The following MMP20 variants were observed in gnomAD, a reference collection of about 807,000 sequenced individuals.
MMP20 encodes the protein matrix metalloproteinase-20.
In MMP20, 50 loss-of-function variants were observed where a neutral mutation model predicts 51.8. The ratio of observed to expected loss-of-function variants is 0.97; its 90% CI spans 0.77 to 1.22. The LOEUF (loss-of-function observed/expected upper bound fraction) is 1.22. MMP20 is among the 50% of genes most tolerant of loss of function. MMP20 has a pLI of 0.00. For synonymous variants in MMP20, 244 were observed against 216.2 expected (o/e 1.13, Z -1.13); for missense variants, 663 against 601.4 (o/e 1.10, Z -1.07).
chr11:102,583,464 A>G (rs1859218910), intron 8 of MMP20: 2 of 152,206 alleles, frequency 1.3e-5, no homozygotes, highest in African/African-American at 4.8e-5. Context: ...AATACTTACC[A>G]TTGTATCACA....
intron 8 of MMP20, among the ~76,000 whole-genome samples, chr11:102,584,383 T>A (rs896808558): frequency 6.6e-6 from 1 of 152,234 alleles, no homozygotes; most frequent in Non-Finnish European, 1.5e-5. Context: ...TGACTATTGA[T>A]GTTGAGCATC....
chr11:102,579,273 C>T, intron 8 of MMP20, 131 bp from the exon 9 acceptor site: 1 of 654,322 alleles, frequency 1.5e-6, no homozygotes, highest in Non-Finnish European at 2.7e-6. Flanking sequence ...TTCACATACA[C>T]ATACACATGC....
At chr11:102,606,864 T>C (rs1029787536) in intron 5 of MMP20, 188 bp from the exon 6 acceptor site, 32 of 639,930 alleles carry the variant, frequency 5.0e-5, no homozygotes, top group Admixed American at 2.6e-4. Flanking sequence ...TTGAGGCACA[T>C]TATTCAACTT....
chr11:102,617,058 G>A lies in MMP20; in HGVS notation c.128C>T (p.Ala43Val), dbSNP rs767204709. 45 of 1,614,022 alleles carry A rather than the reference G, an allele frequency of 2.8e-5. No homozygotes were observed. The highest frequency in any genetic ancestry group is 3.3e-4 in the Middle Eastern group (2 of 6,084). The change falls in exon 2 of 10, where the codon GCG (alanine) becomes GTG (valine). Residue 43 changes from alanine (A) to valine (V), a missense_variant and splice_region_variant. By Grantham distance (64) the Ala-to-Val change is moderately conservative (BLOSUM62 0). Transcript: ENST00000260228. The stretch of plus-strand genomic sequence containing the variant: ...ATTTGTGTAATATTTGTCAAGATAC[G>A]CCTGAAATGGAGAGGCAGGCTGACG... ...TWRNNYRLAQAYLDKYYTNKE... is the reference protein window; with the variant it reads ...TWRNNYRLAQVYLDKYYTNKE...
At chr11:102,613,855 A>T (rs1043089380) in intron 2 of MMP20, among the ~76,000 whole-genome samples, 7 of 152,220 alleles carry the variant, frequency 4.6e-5, no homozygotes, top group Non-Finnish European at 7.3e-5. Context: ...TCTGCAATTT[A>T]TCACAACTAG....
intron 3 of MMP20, 66 bp from the exon 4 acceptor site, chr11:102,610,096 A>G: frequency 6.3e-7 from 1 of 1,575,316 alleles, no homozygotes; most frequent in Admixed American, 1.7e-5. Flanking sequence ...GGCGCATCAT[A>G]TTACAGAAAA....
chr11:102,600,254 A>G lies in MMP20; in HGVS notation c.954-5497T>C, dbSNP rs866096871. The stretch of plus-strand genomic sequence containing the variant: ...GCCCATGGCATCCTGGGAATTCCCA[A>G]TTTCAAATCTACTCTCCAGAAATAG... On this transcript the variant is annotated intron_variant, in intron 6 of 9. Transcript: ENST00000260228. Among the ~76,000 whole-genome samples the G allele has an allele frequency of 5.3e-4, 80 of 152,176 alleles. 1 individual carries two copies. The highest frequency in any genetic ancestry group is 1.9e-3 in the African/African-American group (79 of 41,514).
At chr11:102,604,877 T>C (rs1168091684) in intron 6 of MMP20, among the ~76,000 whole-genome samples, 2 of 152,196 alleles carry the variant, frequency 1.3e-5, no homozygotes, top group African/African-American at 2.4e-5. Context: ...TTAGAAATCA[T>C]TGCGCCCTAC....
chr11:102,600,293 T>C (rs1407042610), intron 6 of MMP20, among the ~76,000 whole-genome samples: 3 of 152,184 alleles, frequency 2.0e-5, no homozygotes, highest in African/African-American at 4.8e-5. Context: ...TTACTGTTAT[T>C]GTTTTCCTTC....
intron 1 of MMP20, among the ~76,000 whole-genome samples, chr11:102,620,601 C>T (rs940085644): frequency 3.9e-5 from 6 of 152,202 alleles, no homozygotes; most frequent in East Asian, 1.9e-4. Flanking sequence ...CCAGGGGTTC[C>T]ATTCCTGCAG....
rs769354409 is a variant in MMP20, at chr11:102,588,303, AAATT to A, written c.1247+5132_1247+5135del. The stretch of plus-strand genomic sequence containing the variant: ...TGTATCTATCTACATCTGAAGCCCC[AAATT>A]AATTGTTATAATTATTATTTTATAT... On this transcript the variant is annotated intron_variant, in intron 8 of 9. Coordinates refer to ENST00000260228, the MANE Select transcript of MMP20 (RefSeq NM_004771.4). Among the ~76,000 whole-genome samples, 432 of 152,124 alleles carry A rather than the reference AAATT, an allele frequency of 2.8e-3. 4 individuals are homozygous for A. Among genetic ancestry groups the A allele is most frequent in the Non-Finnish European group, 3.8e-3 (255 of 67,940 alleles).
chr11:102,578,781 A>ACG (rs1491410855), intron 9 of MMP20, among the ~76,000 whole-genome samples: 1 of 60,742 alleles, frequency 1.6e-5, no homozygotes, highest in Admixed American at 1.6e-4. Flanking sequence ...AAAAAACAAA[A>ACG]CACACACACA....
Position 102,609,037 on chromosome 11 carries a change from G to A in MMP20, c.711C>T (p.Ser237=), listed in dbSNP as rs779994078. 3.7e-5 allele frequency: 59 copies of A among 1,613,848 alleles called. No homozygotes were observed. Among genetic ancestry groups the A allele is most frequent in the Non-Finnish European group, 5.0e-5 (59 of 1,179,844 alleles). The stretch of plus-strand genomic sequence containing the variant: ...GGTACATCAGTGCTGATGGGTCTGT[G>A]GAATGGGCCAGGCCCAGGGCATGGC... ...EFGHALGLAH[S]TDPSALMYPT... The change falls in exon 5 of 10, where the codon TCC becomes TCT. Residue 237 remains serine (S), a synonymous_variant. Transcript: ENST00000260228.
At chr11:102,619,430 A>G (rs1238799054) in intron 1 of MMP20, among the ~76,000 whole-genome samples, 1 of 152,212 alleles carries the variant, frequency 6.6e-6, no homozygotes, top group African/African-American at 2.4e-5. Context: ...CACTGCTGTT[A>G]CAACATGAGC....
chr11:102,581,732 A>G (rs911929713), intron 8 of MMP20, among the ~76,000 whole-genome samples: 2 of 152,188 alleles, frequency 1.3e-5, no homozygotes, highest in African/African-American at 4.8e-5. Context: ...TTCAATGAAA[A>G]TAAAAGAAAT....
At chr11:102,609,209 T>C in intron 4 of MMP20, 111 bp from the exon 5 acceptor site, 1 of 962,316 alleles carries the variant, frequency 1.0e-6, no homozygotes, top group South Asian at 1.4e-5. Flanking sequence ...CATCTCCTTC[T>C]CCTAACTGGA....
chr11:102,600,520 G>A, intron 6 of MMP20, among the ~76,000 whole-genome samples: 1 of 152,138 alleles, frequency 6.6e-6, no homozygotes, highest in East Asian at 1.9e-4. Context: ...GTCTCGCTCT[G>A]TCACCCAGGC....
chr11:102,602,019 G>A (rs755431972), intron 6 of MMP20, among the ~76,000 whole-genome samples: 26 of 147,500 alleles, frequency 1.8e-4, no homozygotes, highest in Non-Finnish European at 3.6e-4. Flanking sequence ...GCGCGATCTC[G>A]GCTCACTACA....
At chr11:102,589,144 C>T (rs1378505376) in intron 8 of MMP20, among the ~76,000 whole-genome samples, 3 of 152,142 alleles carry the variant, frequency 2.0e-5, no homozygotes, top group Non-Finnish European at 4.4e-5. Context: ...TGATTTTAGT[C>T]TATATTCTAG....
Sources: gnomAD v4.1 joint callset for allele counts (sites outside exome capture counted in the v4.1 genomes callset) on GRCh38, gnomAD v4.1.1 for gene constraint, MANE v1.5 for transcripts, NCBI Gene and HGNC (gene_info 2026-07-23, HGNC 2026-07-21) for gene names.